VEGFC: variants seen among roughly 807,000 people sequenced by gnomAD.
VEGFC encodes vascular endothelial growth factor C.
VEGFC carries 12 observed loss-of-function variants against 46.1 expected under a neutral mutation model. The observed-to-expected ratio is 0.26, with a 90% CI of 0.17 to 0.42. The LOEUF (loss-of-function observed/expected upper bound fraction) is 0.42, where lower values mean the gene tolerates loss of function less well. Ranked by LOEUF, VEGFC falls within the 10% of genes least tolerant of loss-of-function variation. VEGFC has a pLI of 1.00. For missense variants in VEGFC, 488 were observed against 529.4 expected (o/e 0.92, Z 0.77); for synonymous variants, 232 against 195.5 (o/e 1.19, Z -1.56).
At chr4:176,782,368 G>A (rs759540177) in intron 1 of VEGFC, among the ~76,000 whole-genome samples, 1 of 152,018 alleles carries the variant, frequency 6.6e-6, no homozygotes, top group African/African-American at 2.4e-5. Flanking sequence ...GGAAGCTGAG[G>A]TAGGTGGATC....
At chr4:176,697,272 T>A (rs1214464375) in intron 4 of VEGFC, among the ~76,000 whole-genome samples, 1 of 146,794 alleles carries the variant, frequency 6.8e-6, no homozygotes, top group South Asian at 2.2e-4. Flanking sequence ...TACAATGAAC[T>A]CAAACAAATT....
At chr4:176,737,356 T>C (rs1328319811) in intron 1 of VEGFC, among the ~76,000 whole-genome samples, 3 of 145,558 alleles carry the variant, frequency 2.1e-5, no homozygotes, top group Non-Finnish European at 1.5e-5. Flanking sequence ...ATAAATATTA[T>C]AAATATAGCA....
intron 4 of VEGFC, among the ~76,000 whole-genome samples, chr4:176,700,375 C>G (rs972389672): frequency 1.3e-5 from 2 of 151,798 alleles, no homozygotes; most frequent in African/African-American, 4.8e-5. Flanking sequence ...TGAGATCACG[C>G]CACTGCACTC....
At chr4:176,741,851 ATTAAG>A (rs1049075112) in intron 1 of VEGFC, among the ~76,000 whole-genome samples, 21 of 151,978 alleles carry the variant, frequency 1.4e-4, no homozygotes, top group Non-Finnish European at 2.6e-4. Context: ...AAGTCTCCTA[ATTAAG>A]TTGTTTTTTT....
At chr4:176,699,815 T>C (rs897997302) in intron 4 of VEGFC, among the ~76,000 whole-genome samples, 9 of 152,212 alleles carry the variant, frequency 5.9e-5, no homozygotes, top group African/African-American at 1.2e-4. Flanking sequence ...AATACATATA[T>C]TTTAGGTTTT....
Position 176,727,822 on chromosome 4 carries a change from C to T in VEGFC, c.508G>A (p.Gly170Arg). 1 of 1,613,664 alleles carries T rather than the reference C, an allele frequency of 6.2e-7. No homozygotes were observed. The change falls in exon 3 of 7, where the codon GGG (glycine) becomes AGG (arginine). Residue 170 changes from glycine (G) to arginine (R), a missense_variant. By Grantham distance (125) the Gly-to-Arg change is moderately radical. Transcript: ENST00000618562. ...GTGCTGGTGTTCATGCACTGCAGCC[C>T]CTCACTATTGCAGCAACCCCCACAT... ...YRCGGCCNSE[G>R]LQCMNTSTSY...
At chr4:176,729,240 T>C (rs1734921462) in intron 2 of VEGFC, among the ~76,000 whole-genome samples, 1 of 152,214 alleles carries the variant, frequency 6.6e-6, no homozygotes, top group Non-Finnish European at 1.5e-5. Flanking sequence ...TAAACAGATA[T>C]AGTATGTAAA....
intron 6 of VEGFC, among the ~76,000 whole-genome samples, chr4:176,685,076 T>C (rs889076097): frequency 6.6e-6 from 1 of 152,152 alleles, no homozygotes; most frequent in African/African-American, 2.4e-5. Context: ...GCATGCCTAA[T>C]GTGTGGGAAT....
intron 4 of VEGFC, among the ~76,000 whole-genome samples, chr4:176,701,405 T>G (rs974762056): frequency 6.6e-6 from 1 of 152,222 alleles, no homozygotes; most frequent in African/African-American, 2.4e-5. Context: ...ATCACTGCCA[T>G]AATTTCGGTG....
chr4:176,758,689 T>C (rs1735476460), intron 1 of VEGFC, among the ~76,000 whole-genome samples: 1 of 152,102 alleles, frequency 6.6e-6, no homozygotes. Flanking sequence ...AGTGATTACT[T>C]TAGTTTGTGT....
chr4:176,687,112 G>C (rs900659847), intron 6 of VEGFC, 75 bp downstream of exon 6: 53 of 1,451,308 alleles, frequency 3.7e-5, no homozygotes, highest in Non-Finnish European at 4.4e-5. Context: ...TTGTTACTTT[G>C]GTTAAGAAAA....
In VEGFC at chr4:176,696,162, G is replaced by C. The variant is rs1251157484; in HGVS notation, c.705-8235C>G. On this transcript the variant is annotated intron_variant, in intron 4 of 6. Transcript: ENST00000618562. ...AATTAGGCAGGAGAAGGAAATAAAG[G>C]GTATTCAATTAGGAAAAGAGGAAGT... Among the ~76,000 whole-genome samples the C allele has an allele frequency of 4.3e-5, 6 of 140,860 alleles. No individual in the cohort carries two copies. The East Asian group carries it at 1.1e-3, about 25-fold the overall frequency. 92.4% of individuals were successfully genotyped at this position (140,860 alleles called of 152,430 possible).
chr4:176,778,130 C>A (rs1009981041), intron 1 of VEGFC, among the ~76,000 whole-genome samples: 1 of 151,946 alleles, frequency 6.6e-6, no homozygotes, highest in Non-Finnish European at 1.5e-5. Flanking sequence ...TTTTTCCCCA[C>A]AATTATGATC....
intron 3 of VEGFC, among the ~76,000 whole-genome samples, chr4:176,717,570 G>C (rs147514911): frequency 9.3e-4 from 141 of 151,982 alleles, no homozygotes; most frequent in African/African-American, 3.3e-3. Flanking sequence ...AGAGGATCTT[G>C]AGTTATAATT....
intron 4 of VEGFC, among the ~76,000 whole-genome samples, chr4:176,697,111 A>C (rs1734330242): frequency 6.6e-6 from 1 of 152,076 alleles, no homozygotes; most frequent in Non-Finnish European, 1.5e-5. Flanking sequence ...AAGCAATGGC[A>C]ACAAAAGACA....
At chr4:176,687,975 G>C in intron 4 of VEGFC, 48 bp from the exon 5 acceptor site, 31 of 1,053,060 alleles carry the variant, frequency 2.9e-5, no homozygotes, top group Middle Eastern at 2.1e-4. Context: ...CTGGTACCTA[G>C]AAGGGACCAT....
At chr4:176,727,711 T>A in intron 3 of VEGFC, 67 bp downstream of exon 3, 2 of 1,492,528 alleles carry the variant, frequency 1.3e-6, no homozygotes, top group Non-Finnish European at 1.8e-6. Context: ...TTTAAACACA[T>A]CATCCCCAAA....
At chr4:176,779,300 T>C (rs1336379540) in intron 1 of VEGFC, among the ~76,000 whole-genome samples, 1 of 152,196 alleles carries the variant, frequency 6.6e-6, no homozygotes, top group African/African-American at 2.4e-5. Context: ...TTTATATAAG[T>C]AATACAAGGT....
chr4:176,719,319 T>A (rs561559614), intron 3 of VEGFC, among the ~76,000 whole-genome samples: 5 of 145,896 alleles, frequency 3.4e-5, no homozygotes, highest in Admixed American at 2.1e-4. Flanking sequence ...TGTTTTTTTT[T>A]ACCTTAAGAA....
Sources: gnomAD v4.1 joint callset for allele counts (sites outside exome capture counted in the v4.1 genomes callset) on GRCh38, gnomAD v4.1.1 for gene constraint, MANE v1.5 for transcripts, NCBI Gene and HGNC (gene_info 2026-07-23, HGNC 2026-07-21) for gene names.